SPATS2L: variants seen among roughly 807,000 people sequenced by gnomAD.
SPATS2L encodes the protein SPATS2-like protein.
Under a neutral mutation model 59.6 loss-of-function variants are expected in SPATS2L, and 30 were observed. That is an observed-to-expected ratio of 0.50 (90% confidence interval 0.38 to 0.68). The LOEUF (loss-of-function observed/expected upper bound fraction) is 0.68. Among genes scored for constraint, SPATS2L ranks in the 30% least tolerant of loss-of-function variants. SPATS2L has a pLI of 0.00. For missense variants in SPATS2L, 615 were observed against 700.0 expected (o/e 0.88, Z 1.37); for synonymous variants, 252 against 263.5 (o/e 0.96, Z 0.42).
In SPATS2L at chr2:200,477,828, G is replaced by T; in HGVS notation, c.1474G>T (p.Ala492Ser). ...CAAAGGCGGTGCCAAAAATCAAGAG[G>T]CTTCCTTGGGGATGAAGACCCCCGA... is the stretch of plus-strand genomic sequence containing the variant. The part of the protein sequence containing the change: ...KNKGGAKNQE[A>S]SLGMKTPEAP... The change falls in exon 13 of 13, where the codon GCT becomes TCT. Residue 492 changes from alanine (A) to serine (S), a missense_variant. Transcript: ENST00000409140. The T allele has an allele frequency of 6.3e-7, 1 of 1,578,288 alleles. No homozygotes were observed. Among genetic ancestry groups the T allele is most frequent in the East Asian group, 2.3e-5 (1 of 42,700 alleles).
chr2:200,409,348 C>G (rs2082796141), intron 3 of SPATS2L, among the ~76,000 whole-genome samples: 2 of 152,132 alleles, frequency 1.3e-5, no homozygotes, highest in Non-Finnish European at 2.9e-5. Context: ...ATATTTAAAG[C>G]TCTGCATAAT....
At chr2:200,349,978 G>A (rs898348656) in intron 2 of SPATS2L, among the ~76,000 whole-genome samples, 5 of 152,170 alleles carry the variant, frequency 3.3e-5, no homozygotes, top group African/African-American at 1.2e-4. Flanking sequence ...GGAGAGAGCT[G>A]GAGGCCTCAC....
intron 1 of SPATS2L, among the ~76,000 whole-genome samples, chr2:200,313,363 A>G (rs549076902): frequency 6.6e-6 from 1 of 152,300 alleles, no homozygotes; most frequent in East Asian, 1.9e-4. Context: ...TAGTACTATT[A>G]AAGAGAGAGA....
chr2:200,387,032 A>G (rs1318265687), intron 2 of SPATS2L, among the ~76,000 whole-genome samples: 25 of 152,226 alleles, frequency 1.6e-4, no homozygotes, highest in Non-Finnish European at 1.5e-5. Context: ...CCTGGCTTGT[A>G]AACAAAAACA....
At chr2:200,349,034 G>A (rs185365246) in intron 2 of SPATS2L, among the ~76,000 whole-genome samples, 313 of 152,214 alleles carry the variant, frequency 2.1e-3, no homozygotes, top group Non-Finnish European at 3.5e-3. Context: ...ATCTTGTCCT[G>A]TACTTTCGGT....
chr2:200,462,189 T>G (rs2086286683), intron 9 of SPATS2L, among the ~76,000 whole-genome samples: 1 of 152,174 alleles, frequency 6.6e-6, no homozygotes, highest in African/African-American at 2.4e-5. Flanking sequence ...AAATGGAAAG[T>G]CACTAGCACA....
At chr2:200,373,384 T>C (rs1012678645) in intron 2 of SPATS2L, 10 of 152,018 alleles carry the variant, frequency 6.6e-5, no homozygotes, top group African/African-American at 2.4e-4. Context: ...TCGCATTCTG[T>C]CTAGTCAAGT....
At chr2:200,435,025 A>T (rs1559129565) in intron 6 of SPATS2L, among the ~76,000 whole-genome samples, 2 of 152,184 alleles carry the variant, frequency 1.3e-5, no homozygotes, top group Non-Finnish European at 2.9e-5. Context: ...AATGTTTATC[A>T]GAGGTACCAA....
intron 11 of SPATS2L, 52 bp downstream of exon 11, chr2:200,470,068 T>C: frequency 6.9e-7 from 1 of 1,445,424 alleles, no homozygotes; most frequent in Non-Finnish European, 9.5e-7. Context: ...CTTGGTGCTA[T>C]TTGGAGTTGC....
intron 2 of SPATS2L, among the ~76,000 whole-genome samples, chr2:200,381,992 C>T (rs2081828999): frequency 1.3e-5 from 2 of 152,102 alleles, no homozygotes; most frequent in Non-Finnish European, 2.9e-5. Context: ...GGCTGAGGGC[C>T]CACTAACTGC....
chr2:200,345,410 T>G (rs1425108137), intron 2 of SPATS2L, among the ~76,000 whole-genome samples: 1 of 152,246 alleles, frequency 6.6e-6, no homozygotes, highest in Non-Finnish European at 1.5e-5. Context: ...GCTTTTTGGC[T>G]GTATTTGTTT....
At chr2:200,354,061 T>G (rs1377643524) in intron 2 of SPATS2L, among the ~76,000 whole-genome samples, 4 of 152,206 alleles carry the variant, frequency 2.6e-5, no homozygotes, top group African/African-American at 9.6e-5. Flanking sequence ...AAACTTAAGC[T>G]TAACTAACCA....
chr2:200,364,638 A>G (rs938964355), intron 2 of SPATS2L, among the ~76,000 whole-genome samples: 6 of 152,170 alleles, frequency 3.9e-5, no homozygotes, highest in African/African-American at 1.4e-4. Flanking sequence ...GTTTTGGGAA[A>G]TTTATTCTAG....
At chr2:200,314,306 G>A (rs2079290089) in intron 1 of SPATS2L, among the ~76,000 whole-genome samples, 1 of 152,170 alleles carries the variant, frequency 6.6e-6, no homozygotes, top group African/African-American at 2.4e-5. Flanking sequence ...TATAGAGACT[G>A]TCTTTTCAGA....
chr2:200,365,591 T>G (rs1353832544), intron 2 of SPATS2L, among the ~76,000 whole-genome samples: 1 of 152,218 alleles, frequency 6.6e-6, no homozygotes, highest in Non-Finnish European at 1.5e-5. Flanking sequence ...CCAGAAACAT[T>G]ATGGCCTTAT....
chr2:200,424,831 C>G (rs1559119804), intron 6 of SPATS2L, among the ~76,000 whole-genome samples: 1 of 152,150 alleles, frequency 6.6e-6, no homozygotes, highest in Non-Finnish European at 1.5e-5. Context: ...GCTCCTGTTG[C>G]TGACCCAGCA....
chr2:200,469,611 A>C, intron 10 of SPATS2L: 1 of 242,522 alleles, frequency 4.1e-6, no homozygotes, highest in South Asian at 1.3e-4. Flanking sequence ...AATGCAATTC[A>C]GAAAAGTACT....
At chr2:200,366,737 A>G (rs1201608243) in intron 2 of SPATS2L, among the ~76,000 whole-genome samples, 1 of 152,208 alleles carries the variant, frequency 6.6e-6, no homozygotes, top group Non-Finnish European at 1.5e-5. Context: ...CTCCTAACTA[A>G]TGGAGGAATC....
chr2:200,324,159 G>A (rs1281073631), intron 1 of SPATS2L, among the ~76,000 whole-genome samples: 1 of 152,116 alleles, frequency 6.6e-6, no homozygotes, highest in Non-Finnish European at 1.5e-5. Context: ...ACTGTGGATC[G>A]CCCTTTATCT....
Sources: allele counts gnomAD v4.1 joint callset (sites outside exome capture counted in the v4.1 genomes callset), GRCh38; gene constraint gnomAD v4.1.1; transcripts MANE v1.5; gene names NCBI Gene and HGNC (gene_info 2026-07-23, HGNC 2026-07-21).